Variants in SLAMF1 observed in about 807,000 individuals in gnomAD.
SLAMF1 encodes the protein signaling lymphocytic activation molecule.
In SLAMF1, 18 loss-of-function variants were observed where a neutral mutation model predicts 35.1. That is an observed-to-expected ratio of 0.51 (90% CI 0.35 to 0.76). The LOEUF (loss-of-function observed/expected upper bound fraction) is 0.76. Ranked by LOEUF, SLAMF1 falls within the 30% of genes least tolerant of loss-of-function variation. The probability of loss-of-function intolerance (pLI) is 0.01; values close to 1 mark genes in which losing one functional copy is unlikely to be tolerated. For missense variants in SLAMF1, 392 were observed against 413.0 expected, an observed-to-expected ratio of 0.95 and a Z score of 0.44; for synonymous variants, 168 against 157.2, an observed-to-expected ratio of 1.07 and a Z score of -0.51.
At chr1:160,628,782 G>A (rs555101795) in intron 3 of SLAMF1, among the ~76,000 whole-genome samples, 69 of 152,294 alleles carry the variant, frequency 4.5e-4, no homozygotes, top group Non-Finnish European at 6.2e-4. Context: ...AATGGCCCAA[G>A]GCAGGAATCA....
chr1:160,641,166 A>G (rs1185327852), intron 1 of SLAMF1, among the ~76,000 whole-genome samples: 3 of 152,212 alleles, frequency 2.0e-5, no homozygotes, highest in African/African-American at 4.8e-5. Flanking sequence ...GAGCGTATAC[A>G]TATTTTTCTG....
At chr1:160,612,355 T>C in intron 6 of SLAMF1, 133 bp downstream of exon 6, 1 of 587,754 alleles carries the variant, frequency 1.7e-6, no homozygotes, top group Non-Finnish European at 3.1e-6. Context: ...GTCACCTAGG[T>C]ATGAAGCCTA....
intron 2 of SLAMF1, chr1:160,636,922 C>T (rs1422230849): frequency 4.5e-6 from 2 of 449,012 alleles, no homozygotes; most frequent in Non-Finnish European, 4.0e-6. Flanking sequence ...ATCGGCCCTC[C>T]AGCCCACAAG....
chr1:160,632,801 T>C (rs1660232933), intron 3 of SLAMF1, among the ~76,000 whole-genome samples: 1 of 152,190 alleles, frequency 6.6e-6, no homozygotes, highest in South Asian at 2.1e-4. Flanking sequence ...ATTACATTTT[T>C]ATTATGGTTT....
At chr1:160,634,513 G>A in intron 3 of SLAMF1, 100 bp downstream of exon 3, 2 of 1,428,136 alleles carry the variant, frequency 1.4e-6, no homozygotes, top group Non-Finnish European at 1.9e-6. Context: ...GTAAAGTATT[G>A]TTACTAAGGT....
Position 160,637,520 on chromosome 1 carries a change from A to G in SLAMF1, c.86T>C (p.Met29Thr). ...FGASYGTGGR[M>T]MNCPKILRQL... ...CCGGAGAATCTTTGGGCAGTTCATCATGCGCCCACCTGTGGGAGGGAGGAG... is the reference window on the plus strand; with the variant it reads ...CCGGAGAATCTTTGGGCAGTTCATCGTGCGCCCACCTGTGGGAGGGAGGAG... Residue 29 changes from methionine to threonine, a missense_variant, in exon 2 of 7, where the codon ATG (methionine) becomes ACG (threonine). Transcript: ENST00000302035. The G allele has an allele frequency of 6.2e-7, 1 of 1,609,178 alleles. No individual in the cohort carries two copies. The highest frequency in any genetic ancestry group is 8.5e-7 in the Non-Finnish European group (1 of 1,179,484).
chr1:160,640,359 T>TATATATATATATAC lies in SLAMF1; in HGVS notation c.77-2831_77-2830insGTATATATATATAT, dbSNP rs1361053277. On this transcript the variant is annotated intron_variant, in intron 1 of 6. Coordinates refer to ENST00000302035, the MANE Select transcript of SLAMF1 (RefSeq NM_003037.5). ...ATATATATATATATATATATATATA[T>TATATATATATATAC]ACACACACACACACACATATATATA... Among the ~76,000 whole-genome samples, 186 of 122,372 alleles carry TATATATATATATAC rather than the reference T, an allele frequency of 1.5e-3. 1 individual carries two copies. Among genetic ancestry groups the TATATATATATATAC allele is most frequent in the East Asian group, 5.2e-3 (20 of 3,874 alleles). The allele number at this position is 122,372 out of a possible 152,430, so 80.3% of individuals were successfully genotyped here.
chr1:160,623,865 A>C (rs1469739904), intron 4 of SLAMF1, among the ~76,000 whole-genome samples: 1 of 152,182 alleles, frequency 6.6e-6, no homozygotes, highest in South Asian at 2.1e-4. Context: ...TGTCTCTCAC[A>C]TTAGAAACCT....
chr1:160,643,314 A>G (rs1041076616), intron 1 of SLAMF1, among the ~76,000 whole-genome samples: 2 of 152,090 alleles, frequency 1.3e-5, no homozygotes, highest in African/African-American at 2.4e-5. Context: ...TCTGGGGCTC[A>G]TTCCTTCTTG....
intron 1 of SLAMF1, among the ~76,000 whole-genome samples, chr1:160,643,781 T>C (rs1031752514): frequency 2.0e-5 from 3 of 152,216 alleles, no homozygotes; most frequent in African/African-American, 7.2e-5. Context: ...AATTATTCTC[T>C]TCCAGTTATT....
chr1:160,646,426 G>A (rs1661043225), intron 1 of SLAMF1, among the ~76,000 whole-genome samples: 1 of 152,184 alleles, frequency 6.6e-6, no homozygotes, highest in African/African-American at 2.4e-5. Flanking sequence ...CATGCTCCTG[G>A]TTTGTCAGCC....
intron 4 of SLAMF1, among the ~76,000 whole-genome samples, chr1:160,621,104 T>C (rs1659586810): frequency 2.0e-5 from 3 of 152,176 alleles, no homozygotes; most frequent in Admixed American, 2.0e-4. Context: ...ACAGTATCCT[T>C]TGTATACATC....
chr1:160,633,478 C>T (rs1372506080), intron 3 of SLAMF1, among the ~76,000 whole-genome samples: 1 of 152,138 alleles, frequency 6.6e-6, no homozygotes, highest in African/African-American at 2.4e-5. Flanking sequence ...TGGCTGAGTT[C>T]CCCTGTCCCT....
rs768150821 is a variant in SLAMF1, at chr1:160,629,011, A to G, written c.701-4826T>C. Among the ~76,000 whole-genome samples the G allele has an allele frequency of 2.4e-4, 37 of 152,226 alleles. 1 individual carries two copies. The highest frequency in any genetic ancestry group is 1.8e-3 in the Admixed American group (28 of 15,286). ...AGAAATCAAAGTTGTCTTGGGGTCT[A>G]GAAGCTCCTGACTCCTTCATTCACA... On this transcript the variant is annotated intron_variant, in intron 3 of 6. Transcript: ENST00000302035.
intron 1 of SLAMF1, among the ~76,000 whole-genome samples, chr1:160,643,324 G>T (rs1003408302): frequency 5.3e-5 from 8 of 152,092 alleles, no homozygotes; most frequent in Non-Finnish European, 1.2e-4. Context: ...ATTCCTTCTT[G>T]CATGCTGCAT....
At chr1:160,643,173 A>C (rs773685430) in intron 1 of SLAMF1, among the ~76,000 whole-genome samples, 1 of 152,232 alleles carries the variant, frequency 6.6e-6, no homozygotes. Flanking sequence ...GGAGGCAGCT[A>C]TCCCCCCTCC....
intron 1 of SLAMF1, among the ~76,000 whole-genome samples, chr1:160,644,713 T>G (rs555464291): frequency 2.4e-4 from 36 of 152,172 alleles, no homozygotes; most frequent in Non-Finnish European, 4.3e-4. Context: ...TCCAGTCCAG[T>G]GAGGGAGACA....
Position 160,634,671 on chromosome 1 carries a change from A to G in SLAMF1, c.642T>C (p.Pro214=), listed in dbSNP as rs1188524238. Residue 214 remains proline (P), a synonymous_variant, in exon 3 of 7, where the codon CCT becomes CCC. Transcript: ENST00000302035. ...DNIYICTVSN[P]ISNNSQTFSP... ...TGAAGGTCTGGGAATTGTTGCTGAT[A>G]GGGTTGCTCACGGTGCAGATGTAGA... The G allele has an allele frequency of 1.2e-6, 2 of 1,614,010 alleles. No homozygotes were observed. The highest frequency in any genetic ancestry group is 1.7e-5 in the Admixed American group (1 of 60,026).
chr1:160,641,370 C>A (rs898371412), intron 1 of SLAMF1, among the ~76,000 whole-genome samples: 14 of 152,042 alleles, frequency 9.2e-5, no homozygotes, highest in Non-Finnish European at 1.8e-4. Flanking sequence ...CCCCACCTAA[C>A]CTTGCACACT....
Sources: gnomAD v4.1 joint callset for allele counts (sites outside exome capture counted in the v4.1 genomes callset) on GRCh38, gnomAD v4.1.1 for gene constraint, MANE v1.5 for transcripts, NCBI Gene and HGNC (gene_info 2026-07-23, HGNC 2026-07-21) for gene names.